FDFT1: variants seen among roughly 807,000 people sequenced by gnomAD.
The protein encoded by FDFT1 is squalene synthase.
Under a neutral mutation model 46.8 loss-of-function variants are expected in FDFT1, and 68 were observed. The observed-to-expected ratio is 1.45, with a 90% CI of 1.19 to 1.78. The LOEUF is 1.78. Ranked by LOEUF, FDFT1 falls within the 40% of genes most tolerant of loss-of-function variation. FDFT1 has a pLI of 0.00. For missense variants in FDFT1, 928 were observed against 524.4 expected, an observed-to-expected ratio of 1.77 and a Z score of -7.52; for synonymous variants, 351 against 185.1, an observed-to-expected ratio of 1.90 and a Z score of -7.28.
At chr8:11,795,734 G>A (rs1324625734) in exon 1 of FDFT1, 6 of 152,108 alleles carry the variant, frequency 3.9e-5, no homozygotes, top group Non-Finnish European at 8.8e-5. Context: ...GTAAGACAAC[G>A]AACCCACTGG....
intron 7 of FDFT1, among the ~76,000 whole-genome samples, chr8:11,832,070 T>G (rs900694025): frequency 6.6e-6 from 1 of 152,176 alleles, no homozygotes; most frequent in African/African-American, 2.4e-5. Flanking sequence ...TGACACCCAG[T>G]CTGGTACTTT....
upstream of FDFT1, among the ~76,000 whole-genome samples, chr8:11,799,602 C>G (rs988985294): frequency 6.6e-6 from 1 of 152,236 alleles, no homozygotes; most frequent in Non-Finnish European, 1.5e-5. Flanking sequence ...TGAGGGCTAT[C>G]TGATCTCCTG....
upstream of FDFT1, chr8:11,802,671 G>A (rs1806272633): frequency 1.6e-6 from 1 of 631,770 alleles, no homozygotes; most frequent in Non-Finnish European, 2.8e-6. Flanking sequence ...GGCCGAGGCC[G>A]GTTGAAGTGG....
chr8:11,808,532 C>G (rs956132576), intron 1 of FDFT1: 1 of 1,335,088 alleles, frequency 7.5e-7, no homozygotes, highest in South Asian at 2.0e-5. Flanking sequence ...CCGCAGCCGC[C>G]TGCGGCACCA....
intron 5 of FDFT1, among the ~76,000 whole-genome samples, chr8:11,828,753 G>T (rs1252004700): frequency 2.0e-5 from 3 of 152,244 alleles, no homozygotes; most frequent in African/African-American, 7.2e-5. Flanking sequence ...CGTAGTAGTT[G>T]AATCATGCCA....
chr8:11,831,539 G>C lies in FDFT1; in HGVS notation c.901G>C (p.Ala301Pro), dbSNP rs1375319475. 1.2e-6 allele frequency: 2 copies of C among 1,613,992 alleles called. No homozygotes were observed. Among genetic ancestry groups the C allele is most frequent in the Admixed American group, 1.7e-5 (1 of 60,022 alleles). Residue 301 changes from alanine to proline, a missense_variant, in exon 7 of 8, where the codon GCT (alanine) becomes CCT (proline). Transcript: ENST00000220584. ...CTAGGTGATGGCCATTGCCACTTTG[G>C]CTGCCTGTTATAATAACCAGCAGGT... ...IPQVMAIATL[A>P]ACYNNQQVFK...
At chr8:11,796,338 G>GC (rs1340593564) in intron 1 of FDFT1, among the ~76,000 whole-genome samples, 1 of 152,182 alleles carries the variant, frequency 6.6e-6, no homozygotes, top group Non-Finnish European at 1.5e-5. Context: ...TGTAGGCCCA[G>GC]CCCTTGTGCT....
intron 1 of FDFT1, among the ~76,000 whole-genome samples, chr8:11,807,125 C>G (rs2130702034): frequency 6.6e-6 from 1 of 151,790 alleles, no homozygotes; most frequent in East Asian, 1.9e-4. Flanking sequence ...GTGGATATGC[C>G]ATATTTTTTT....
intron 7 of FDFT1, among the ~76,000 whole-genome samples, chr8:11,832,933 T>C (rs1279253488): frequency 6.6e-6 from 1 of 152,216 alleles, no homozygotes. Flanking sequence ...TACAGGAATA[T>C]GGTTTGCAAC....
upstream of FDFT1, among the ~76,000 whole-genome samples, chr8:11,801,386 C>G (rs560660241): frequency 4.6e-5 from 7 of 152,338 alleles, no homozygotes; most frequent in East Asian, 1.2e-3. Context: ...ATAGCGCGAT[C>G]TCAGCTCACT....
At chr8:11,825,923 C>T (rs999089330) in intron 4 of FDFT1, 101 bp from the exon 5 acceptor site, 7 of 634,866 alleles carry the variant, frequency 1.1e-5, no homozygotes, top group African/African-American at 9.2e-5. Flanking sequence ...CATTCTTACC[C>T]ATTCTCTTTT....
chr8:11,820,221 T>A (rs1233094686), intron 3 of FDFT1, among the ~76,000 whole-genome samples: 1 of 152,072 alleles, frequency 6.6e-6, no homozygotes, highest in African/African-American at 2.4e-5. Flanking sequence ...GGAAGCTTCG[T>A]CCAAGAAGGA....
intron 4 of FDFT1, among the ~76,000 whole-genome samples, chr8:11,824,060 G>T (rs750919173): frequency 1.3e-5 from 2 of 151,926 alleles, no homozygotes; most frequent in Non-Finnish European, 2.9e-5. Flanking sequence ...ATGAGGTCTT[G>T]CTTTGTTGGC....
intron 2 of FDFT1, chr8:11,809,367 T>C (rs1807383270): frequency 8.8e-7 from 1 of 1,140,926 alleles, no homozygotes; most frequent in South Asian, 3.1e-5. Context: ...ATTAGTTCGG[T>C]CTAAACGTTT....
At chr8:11,803,525 A>G (rs1214689401) in intron 1 of FDFT1, 2 of 1,193,798 alleles carry the variant, frequency 1.7e-6, no homozygotes, top group South Asian at 1.5e-5. Flanking sequence ...GAAGGTCAGA[A>G]CTTGGTTTTA....
intron 7 of FDFT1, among the ~76,000 whole-genome samples, chr8:11,832,275 C>A (rs537980239): frequency 2.6e-5 from 4 of 151,954 alleles, no homozygotes; most frequent in African/African-American, 9.7e-5. Context: ...TTATTTCTGG[C>A]CAGGCACAGT....
intron 5 of FDFT1, among the ~76,000 whole-genome samples, chr8:11,827,769 A>G (rs907078390): frequency 4.6e-5 from 7 of 152,164 alleles, no homozygotes; most frequent in South Asian, 4.1e-4. Context: ...GGGGCTGGGC[A>G]AGGTGGCTCA....
intron 1 of FDFT1, among the ~76,000 whole-genome samples, chr8:11,804,632 C>G (rs527846634): frequency 1.3e-4 from 13 of 99,458 alleles, no homozygotes; most frequent in African/African-American, 4.7e-4. Context: ...GAGATGGAGT[C>G]TTGCTCTGTT....
chr8:11,820,949 T>C (rs1344339929), intron 3 of FDFT1, among the ~76,000 whole-genome samples: 1 of 152,222 alleles, frequency 6.6e-6, no homozygotes, highest in Admixed American at 6.5e-5. Flanking sequence ...ATCTTCTGCA[T>C]CGATCTTGCT....
Sources: allele counts gnomAD v4.1 joint callset (sites outside exome capture counted in the v4.1 genomes callset), GRCh38; gene constraint gnomAD v4.1.1; transcripts MANE v1.5; gene names NCBI Gene and HGNC (gene_info 2026-07-23, HGNC 2026-07-21).